Variants in GLRB observed in about 807,000 individuals in gnomAD.
GLRB encodes glycine receptor beta, also known as glycine receptor subunit beta.
A neutral mutation model predicts 54.2 loss-of-function variants in GLRB; 33 were observed. The ratio of observed to expected loss-of-function variants is 0.61; its 90% CI spans 0.46 to 0.81. The LOEUF is 0.81. Ranked by LOEUF, GLRB falls within the 40% of genes least tolerant of loss-of-function variation. The pLI is 0.00. For synonymous variants in GLRB, 209 were observed against 208.2 expected (o/e 1.00, Z -0.03); for missense variants, 572 against 584.6 (o/e 0.98, Z 0.22).
At chr4:157,081,146 G>A (rs1317639836) in intron 2 of GLRB, among the ~76,000 whole-genome samples, 1 of 152,092 alleles carries the variant, frequency 6.6e-6, no homozygotes, top group Non-Finnish European at 1.5e-5. Flanking sequence ...AATTTAATAT[G>A]TGTTAACAAA....
chr4:157,098,827 C>T (rs1328849553), intron 2 of GLRB, among the ~76,000 whole-genome samples: 2 of 151,990 alleles, frequency 1.3e-5, no homozygotes, highest in East Asian at 1.9e-4. Context: ...AGACTGGCCT[C>T]GAACTCCTGA....
intron 9 of GLRB, among the ~76,000 whole-genome samples, chr4:157,166,859 T>A (rs113088847): frequency 3.4e-4 from 51 of 152,190 alleles, no homozygotes; most frequent in African/African-American, 1.2e-3. Context: ...ATAGTTTGAA[T>A]AAACTGGATC....
chr4:157,160,405 G>C (rs544655380), intron 9 of GLRB, among the ~76,000 whole-genome samples: 32 of 152,082 alleles, frequency 2.1e-4, no homozygotes, highest in Admixed American at 1.8e-3. Flanking sequence ...TGCTTCTCTA[G>C]TTCTTTTAAC....
intron 2 of GLRB, among the ~76,000 whole-genome samples, chr4:157,090,259 A>G (rs919622404): frequency 6.6e-6 from 1 of 152,218 alleles, no homozygotes; most frequent in African/African-American, 2.4e-5. Flanking sequence ...AAAAGATTAA[A>G]TCACTTAAAA....
At chr4:157,091,179 A>G (rs1243115742) in intron 2 of GLRB, among the ~76,000 whole-genome samples, 4 of 152,186 alleles carry the variant, frequency 2.6e-5, no homozygotes, top group Non-Finnish European at 5.9e-5. Flanking sequence ...TGTTTTTGAA[A>G]CGATTATAAT....
intron 2 of GLRB, among the ~76,000 whole-genome samples, chr4:157,119,679 A>G (rs1243869517): frequency 5.9e-5 from 9 of 151,758 alleles, no homozygotes; most frequent in African/African-American, 1.7e-4. Context: ...GAAAACCACA[A>G]TGAGATACCA....
intron 2 of GLRB, among the ~76,000 whole-genome samples, chr4:157,110,253 A>T (rs1380961088): frequency 6.6e-6 from 1 of 151,932 alleles, no homozygotes; most frequent in African/African-American, 2.4e-5. Flanking sequence ...CTGTTCTAGG[A>T]AGCAAGAATG....
intron 2 of GLRB, among the ~76,000 whole-genome samples, chr4:157,098,257 C>T (rs918285761): frequency 3.3e-5 from 5 of 152,210 alleles, no homozygotes; most frequent in Middle Eastern, 3.4e-3. Context: ...CTTTTCATTG[C>T]TGTGTACTAT....
chr4:157,140,710 A>G (rs1049705841), intron 7 of GLRB, among the ~76,000 whole-genome samples: 1 of 151,906 alleles, frequency 6.6e-6, no homozygotes, highest in Admixed American at 6.6e-5. Context: ...ATACTGTTAT[A>G]CGATTAATAC....
chr4:157,137,039 T>A (rs1260640503), intron 6 of GLRB, among the ~76,000 whole-genome samples, 153 bp downstream of exon 6: 2 of 152,206 alleles, frequency 1.3e-5, no homozygotes, highest in Non-Finnish European at 2.9e-5. Context: ...TTATAGTTAC[T>A]CTTTTATTAA....
At chr4:157,158,419 T>C (rs527847351) in intron 9 of GLRB, among the ~76,000 whole-genome samples, 2 of 152,340 alleles carry the variant, frequency 1.3e-5, no homozygotes, top group East Asian at 3.9e-4. Context: ...GCCTATGTCC[T>C]GAATGGTATT....
intron 9 of GLRB, among the ~76,000 whole-genome samples, chr4:157,162,129 C>T (rs1283596615): frequency 6.6e-6 from 1 of 152,190 alleles, no homozygotes; most frequent in African/African-American, 2.4e-5. Flanking sequence ...AAATCGGCGA[C>T]TGAAGCTTGT....
intron 2 of GLRB, among the ~76,000 whole-genome samples, chr4:157,093,333 G>C (rs1734685244): frequency 6.6e-6 from 1 of 152,140 alleles, no homozygotes; most frequent in South Asian, 2.1e-4. Context: ...CCATTCCTAA[G>C]CTACTGTAGT....
intron 2 of GLRB, among the ~76,000 whole-genome samples, chr4:157,083,533 G>C (rs151142243): frequency 6.6e-6 from 1 of 152,002 alleles, no homozygotes; most frequent in Non-Finnish European, 1.5e-5. Flanking sequence ...TTACACAGGC[G>C]GTTAGACCAG....
At chr4:157,113,166 C>CATATA (rs1447918279) in intron 2 of GLRB, among the ~76,000 whole-genome samples, 8 of 151,642 alleles carry the variant, frequency 5.3e-5, no homozygotes, top group African/African-American at 1.5e-4. Flanking sequence ...TAGATATTTT[C>CATATA]GTTGGGCCAG....
chr4:157,143,739 C>T, intron 7 of GLRB, 68 bp from the exon 8 acceptor site: 1 of 1,455,176 alleles, frequency 6.9e-7, no homozygotes, highest in East Asian at 2.3e-5. Context: ...GTTTCCAGGT[C>T]TGTCATTGAT....
At chr4:157,131,927 A>G (rs1025489362) in intron 4 of GLRB, among the ~76,000 whole-genome samples, 1 of 151,824 alleles carries the variant, frequency 6.6e-6, no homozygotes, top group East Asian at 1.9e-4. Context: ...GGCAAATACC[A>G]AGGAGTGTGG....
intron 2 of GLRB, among the ~76,000 whole-genome samples, chr4:157,092,310 T>A (rs1233988431): frequency 6.6e-6 from 1 of 152,222 alleles, no homozygotes. Flanking sequence ...TCTAAGACTT[T>A]ATCTGTAAAA....
chr4:157,111,597 C>G (rs562584826), intron 2 of GLRB, among the ~76,000 whole-genome samples: 3 of 151,936 alleles, frequency 2.0e-5, no homozygotes, highest in Non-Finnish European at 4.4e-5. Flanking sequence ...AACTGAGGTA[C>G]AGAAGACTCT....
Sources: gnomAD v4.1 joint callset for allele counts (sites outside exome capture counted in the v4.1 genomes callset) on GRCh38, gnomAD v4.1.1 for gene constraint, MANE v1.5 for transcripts, NCBI Gene and HGNC (gene_info 2026-07-23, HGNC 2026-07-21) for gene names.